SYT2: variants seen among roughly 807,000 people sequenced by gnomAD.
The protein encoded by SYT2 is synaptotagmin-2.
In SYT2, 15 loss-of-function variants were observed where a neutral mutation model predicts 39.9. That is an observed-to-expected ratio of 0.38 (90% CI 0.25 to 0.58). SYT2 has a LOEUF of 0.58. Among genes scored for constraint, SYT2 ranks in the 20% least tolerant of loss-of-function variants. The probability of loss-of-function intolerance (pLI) is 0.70; values close to 1 mark genes in which losing one functional copy is unlikely to be tolerated. For synonymous variants in SYT2, 181 were observed against 204.5 expected (o/e 0.89, Z 0.98); for missense variants, 389 against 530.3 (o/e 0.73, Z 2.62).
At chr1:202,700,846 C>T (rs1392593087) in intron 1 of SYT2, among the ~76,000 whole-genome samples, 3 of 152,184 alleles carry the variant, frequency 2.0e-5, no homozygotes, top group Non-Finnish European at 4.4e-5. Flanking sequence ...AAAGCCTTTT[C>T]AGATCATTGT....
In SYT2 at chr1:202,643,081, C is replaced by G. The variant is rs569609048; in HGVS notation, c.-17-37292G>C. The stretch of plus-strand genomic sequence containing the variant: ...ATGGATTTCCGGATTACAGTTCCCA[C>G]CGCGGGCTCAGTCCTACCTACTCTT... On this transcript the variant is annotated intron_variant, in intron 1 of 8. Transcript: ENST00000367268. Among the ~76,000 whole-genome samples the G allele has an allele frequency of 3.3e-5, 5 of 152,378 alleles. No individual in the cohort carries two copies. The South Asian group carries it at 1.0e-3, about 32-fold the overall frequency.
Sources: allele counts gnomAD v4.1 joint callset (sites outside exome capture counted in the v4.1 genomes callset), GRCh38; gene constraint gnomAD v4.1.1; transcripts MANE v1.5; gene names NCBI Gene and HGNC (gene_info 2026-07-23, HGNC 2026-07-21).